The following TNKS variants were observed in gnomAD, a reference collection of about 807,000 sequenced individuals.
TNKS encodes the protein tankyrase, also known as poly [ADP-ribose] polymerase tankyrase-1.
Under a neutral mutation model 135.8 loss-of-function variants are expected in TNKS, and 72 were observed. The observed-to-expected ratio is 0.53, with a 90% confidence interval of 0.44 to 0.64. The LOEUF is 0.64. TNKS is among the 30% of genes least tolerant of loss of function. The pLI, the probability that TNKS is intolerant of heterozygous loss-of-function variation, is 0.00. For synonymous variants in TNKS, 849 were observed against 649.3 expected (o/e 1.31, Z -4.68); for missense variants, 1,769 against 1,674.0 (o/e 1.06, Z -0.99).
intron 2 of TNKS, among the ~76,000 whole-genome samples, chr8:9,592,990 G>A (rs1333722194): frequency 6.6e-6 from 1 of 152,142 alleles, no homozygotes; most frequent in East Asian, 1.9e-4. Context: ...GTTGAATATT[G>A]ATTCTGATCA....
At chr8:9,643,464 A>G (rs1448760275) in intron 3 of TNKS, among the ~76,000 whole-genome samples, 2 of 151,624 alleles carry the variant, frequency 1.3e-5, no homozygotes, top group African/African-American at 4.8e-5. Flanking sequence ...TCCATTCATG[A>G]GGGTGGAGCC....
chr8:9,644,380 C>G (rs1044730614), intron 3 of TNKS, among the ~76,000 whole-genome samples: 15 of 152,052 alleles, frequency 9.9e-5, no homozygotes, highest in African/African-American at 3.4e-4. Context: ...TGGCTCTTTC[C>G]AATTTGAGAA....
chr8:9,709,095 A>G (rs1804193567), intron 9 of TNKS, among the ~76,000 whole-genome samples: 3 of 152,204 alleles, frequency 2.0e-5, no homozygotes, highest in Admixed American at 2.0e-4. Flanking sequence ...TAAATTCAGA[A>G]TTTAAGCATA....
At chr8:9,746,504 T>C (rs1244674851) in intron 17 of TNKS, among the ~76,000 whole-genome samples, 1 of 152,208 alleles carries the variant, frequency 6.6e-6, no homozygotes, top group Non-Finnish European at 1.5e-5. Context: ...TTTTTCCTTT[T>C]GTCTCCTCTG....
chr8:9,618,289 T>A (rs1409183388), intron 3 of TNKS, among the ~76,000 whole-genome samples: 1 of 152,330 alleles, frequency 6.6e-6, no homozygotes, highest in East Asian at 1.9e-4. Flanking sequence ...TACCATCTTA[T>A]ACATAAGAAT....
chr8:9,741,737 T>G (rs753712632), intron 17 of TNKS: 2 of 529,832 alleles, frequency 3.8e-6, no homozygotes, highest in South Asian at 2.8e-5. Flanking sequence ...AGTGGTTCTC[T>G]TGTGGCTCAA....
intron 3 of TNKS, among the ~76,000 whole-genome samples, chr8:9,652,792 G>A (rs1304920370): frequency 6.6e-6 from 1 of 152,018 alleles, no homozygotes; most frequent in Non-Finnish European, 1.5e-5. Context: ...CAAACATTGA[G>A]TGTTTTATTT....
chr8:9,576,929 TAA>T lies in TNKS; in HGVS notation c.674-3225_674-3224del, dbSNP rs554238212. Reference sequence around the variant, plus strand: ...ATATAAATATAGAAACACAAGTGTTTAAAAAACACACATTGAAAAGTATATAA... The same window carrying T: ...ATATAAATATAGAAACACAAGTGTTTAAAACACACATTGAAAAGTATATAA... On this transcript the variant is annotated intron_variant, in intron 1 of 26. Transcript: ENST00000310430. Among the ~76,000 whole-genome samples the T allele has an allele frequency of 1.1e-3, 175 of 152,190 alleles. 7 individuals carry two copies. The East Asian group carries it at 0.022, about 19-fold the overall frequency.
chr8:9,657,162 G>C (rs1247963853), intron 3 of TNKS, among the ~76,000 whole-genome samples: 1 of 137,672 alleles, frequency 7.3e-6, no homozygotes, highest in Non-Finnish European at 1.6e-5. Flanking sequence ...GGTGGTGGCC[G>C]GGCAGAGGGG....
In TNKS at chr8:9,669,414, G is replaced by C. The variant is rs1416516061; in HGVS notation, c.995-10537G>C. Among the ~76,000 whole-genome samples, 13 of 113,292 alleles carry C rather than the reference G, an allele frequency of 1.1e-4. No homozygotes were observed. The Admixed American group carries it at 1.4e-3, about 13-fold the overall frequency. The allele number at this position is 113,292 out of a possible 152,430, so 74.3% of individuals were successfully genotyped here. ...CAGTCCGGCCTGCGCGACAGAGCGA[G>C]ACTCCGCCTCAAAAAAAAAAAAAAA... On this transcript the variant is annotated intron_variant, in intron 3 of 26. Transcript: ENST00000310430.
At position 9,761,585 on chromosome 8, in the gene TNKS, C is replaced by T. The variant is rs1307352866; in HGVS notation, c.3223C>T (p.His1075Tyr). The change falls in exon 21 of 27, where the codon CAC becomes TAC. Residue 1075 changes from histidine (H) to tyrosine (Y), a missense_variant. This residue lies in a region of TNKS where 722 missense variants were observed against 688.9 expected (regional missense o/e 1.05). Coordinates refer to ENST00000310430, the MANE Select transcript of TNKS (RefSeq NM_003747.3). ...LKEIGINAYG[H>Y]RHKLIKGVER... ...AGAAATAGGCATCAATGCATATGGG[C>T]ACCGCCACAAATTAATCAAAGGAGT... 6.2e-7 allele frequency: 1 copy of T among 1,606,374 alleles called. No individual in the cohort carries two copies.
At chr8:9,765,876 T>G in intron 24 of TNKS, 79 bp downstream of exon 24, 1 of 1,175,422 alleles carries the variant, frequency 8.5e-7, no homozygotes. Context: ...TACGTTAAAT[T>G]GACTATAATA....
intron 2 of TNKS, among the ~76,000 whole-genome samples, chr8:9,602,592 A>C (rs1799059312): frequency 6.6e-6 from 1 of 152,240 alleles, no homozygotes; most frequent in Non-Finnish European, 1.5e-5. Flanking sequence ...TGGTGGAGCC[A>C]GTAGCCTACA....
intron 3 of TNKS, among the ~76,000 whole-genome samples, chr8:9,618,026 G>A (rs1183784332): frequency 1.8e-5 from 2 of 110,056 alleles, no homozygotes; most frequent in Non-Finnish European, 3.5e-5. Flanking sequence ...TTGCTCTGTT[G>A]CCCAGGCTAG....
At chr8:9,639,889 G>A (rs1371223628) in intron 3 of TNKS, among the ~76,000 whole-genome samples, 2 of 152,148 alleles carry the variant, frequency 1.3e-5, no homozygotes, top group African/African-American at 4.8e-5. Context: ...CCAGTAAATT[G>A]TGTGAAGCTT....
intron 5 of TNKS, among the ~76,000 whole-genome samples, chr8:9,696,319 C>G (rs932488241): frequency 6.6e-6 from 1 of 151,878 alleles, no homozygotes; most frequent in Non-Finnish European, 1.5e-5. Context: ...GAACTAGATG[C>G]CAAGGAAGAA....
chr8:9,597,391 A>G (rs1798829872), intron 2 of TNKS, among the ~76,000 whole-genome samples: 1 of 152,230 alleles, frequency 6.6e-6, no homozygotes, highest in Admixed American at 6.5e-5. Context: ...AAGCTCAGTG[A>G]AGGGCTGACA....
chr8:9,672,244 T>C (rs376944315), intron 3 of TNKS, among the ~76,000 whole-genome samples: 18 of 152,252 alleles, frequency 1.2e-4, no homozygotes, highest in Admixed American at 3.3e-4. Context: ...AAAAAACATA[T>C]ATAGGGTAGG....
chr8:9,591,205 G>A (rs555895068), intron 2 of TNKS, among the ~76,000 whole-genome samples: 7 of 152,276 alleles, frequency 4.6e-5, no homozygotes, highest in African/African-American at 1.7e-4. Flanking sequence ...TCCCTTTCGT[G>A]TATGATTCTA....
Sources: allele counts gnomAD v4.1 joint callset (sites outside exome capture counted in the v4.1 genomes callset), GRCh38; gene constraint gnomAD v4.1.1; regional missense constraint gnomAD v4.1.1; transcripts MANE v1.5; gene names NCBI Gene and HGNC (gene_info 2026-07-23, HGNC 2026-07-21).